The following FANCL variants were observed in gnomAD, a reference collection of about 807,000 sequenced individuals.
FANCL encodes FA complementation group L.
Under a neutral mutation model 59.4 loss-of-function variants are expected in FANCL, and 69 were observed. That is an observed-to-expected ratio of 1.16 (90% CI 0.96 to 1.42). The LOEUF (loss-of-function observed/expected upper bound fraction) is 1.42, where lower values mean the gene tolerates loss of function less well. Among genes scored for constraint, FANCL ranks in the 40% most tolerant of loss-of-function variants. The probability of loss-of-function intolerance (pLI) is 0.00; values close to 1 mark genes in which losing one functional copy is unlikely to be tolerated. For missense variants in FANCL, 519 were observed against 447.2 expected (o/e 1.16, Z -1.45); for synonymous variants, 180 against 147.1 (o/e 1.22, Z -1.62).
rs1694517921 is a variant in FANCL at position 58,241,257 on chromosome 2, G to C, written c.57C>G (p.Asn19Lys). Residue 19 changes from asparagine to lysine, a missense_variant, in exon 1 of 14, where the codon AAC becomes AAG. Physicochemically the swap from Asn to Lys is moderately conservative, Grantham distance 94. Coordinates refer to ENST00000233741, the MANE Select transcript of FANCL (RefSeq NM_018062.4). ...ATCCCTCATACACGGTTTTCGACCG[G>C]TTCTGGGGCAGAAGCAGGGGGCACT... ...LRQCPLLLPQ[N>K]RSKTVYEGFI... 1 of 1,614,278 alleles carries C rather than the reference G, an allele frequency of 6.2e-7. No homozygotes were observed. Among genetic ancestry groups the C allele is most frequent in the Non-Finnish European group, 8.5e-7 (1 of 1,180,054 alleles).
At position 58,159,649 on chromosome 2, in the gene FANCL, C is replaced by A; in HGVS notation, c.*116G>T. 1 of 1,613,646 alleles carries A rather than the reference C, an allele frequency of 6.2e-7. No individual in the cohort carries two copies. The highest frequency in any genetic ancestry group is 1.1e-5 in the South Asian group (1 of 91,044). On this transcript the variant is annotated 3_prime_UTR_variant, in exon 14 of 14. Coordinates refer to ENST00000233741, the MANE Select transcript of FANCL (RefSeq NM_018062.4). ...TGTTTATTATTATCGCATCATCATA[C>A]CTGTCCTTTTGATGTTAGTATTTCT...
intron 1 of FANCL, among the ~76,000 whole-genome samples, chr2:58,232,924 C>CA (rs1233975548): frequency 6.6e-6 from 1 of 151,912 alleles, no homozygotes; most frequent in Non-Finnish European, 1.5e-5. Flanking sequence ...ATAAAATTCT[C>CA]AAAAAACAAT....
At chr2:58,159,965 G>C in intron 13 of FANCL, 143 bp downstream of exon 13, 1 of 1,525,858 alleles carries the variant, frequency 6.6e-7, no homozygotes, top group Non-Finnish European at 8.8e-7. Context: ...TAATGTTTTT[G>C]ATCAGAGAAT....
chr2:58,181,820 T>C (rs1004474086), intron 7 of FANCL, among the ~76,000 whole-genome samples: 3 of 151,884 alleles, frequency 2.0e-5, no homozygotes, highest in Non-Finnish European at 4.4e-5. Context: ...TGATATAAAT[T>C]ACGTATGAGT....
intron 8 of FANCL, among the ~76,000 whole-genome samples, chr2:58,163,932 A>G (rs1685592828): frequency 6.6e-6 from 1 of 152,028 alleles, no homozygotes; most frequent in Non-Finnish European, 1.5e-5. Context: ...CCAAATGTAA[A>G]AAGACCAACA....
At chr2:58,238,211 C>A (rs1395668928) in intron 1 of FANCL, among the ~76,000 whole-genome samples, 2 of 151,994 alleles carry the variant, frequency 1.3e-5, no homozygotes, top group African/African-American at 2.4e-5. Flanking sequence ...TTTATGTGTG[C>A]CCAAGACAAT....
chr2:58,178,070 A>C (rs974725420), intron 7 of FANCL, among the ~76,000 whole-genome samples: 5 of 152,146 alleles, frequency 3.3e-5, no homozygotes, highest in African/African-American at 1.2e-4. Context: ...TAGATCGATA[A>C]CAACTTCTGA....
At chr2:58,216,186 A>C (rs1475810554) in intron 5 of FANCL, among the ~76,000 whole-genome samples, 1 of 152,208 alleles carries the variant, frequency 6.6e-6, no homozygotes, top group Non-Finnish European at 1.5e-5. Context: ...AAAGGGTTAT[A>C]GCTTGAGACA....
chr2:58,220,138 G>C (rs1299029892), intron 5 of FANCL, among the ~76,000 whole-genome samples: 1 of 152,184 alleles, frequency 6.6e-6, no homozygotes, highest in East Asian at 1.9e-4. Flanking sequence ...TTTTAGTAAG[G>C]TTTTAACAGT....
At chr2:58,200,215 G>T (rs1260536583) in intron 6 of FANCL, among the ~76,000 whole-genome samples, 1 of 151,910 alleles carries the variant, frequency 6.6e-6, no homozygotes, top group African/African-American at 2.4e-5. Context: ...GTAATCACTG[G>T]AAAAACAATT....
chr2:58,198,417 T>C (rs138696039), intron 7 of FANCL, among the ~76,000 whole-genome samples, 177 bp downstream of exon 7: 2 of 150,544 alleles, frequency 1.3e-5, no homozygotes, highest in African/African-American at 2.5e-5. Context: ...ACTTAAAGTA[T>C]ACAGAAGAGT....
intron 7 of FANCL, among the ~76,000 whole-genome samples, chr2:58,184,460 T>C (rs183610870): frequency 1.2e-4 from 19 of 152,172 alleles, no homozygotes; most frequent in African/African-American, 4.6e-4. Flanking sequence ...TTAACAGGAA[T>C]AGCAAAACAA....
rs959857056 is a variant in FANCL at position 58,161,621 on chromosome 2, A to G, written c.921T>C (p.Cys307=). The stretch of plus-strand genomic sequence containing the variant: ...CAAGTTGATAAGCATAACAAATTCC[A>G]CAATCCATAGTAAAATCCTTCAAAA... ...ILEKSDFTMD[C]GICYAYQLDG... is the part of the protein sequence containing the mutation. The change falls in exon 12 of 14, where the codon TGT becomes TGC. Residue 307 remains cysteine, a synonymous_variant. Coordinates refer to ENST00000233741, the MANE Select transcript of FANCL (RefSeq NM_018062.4). The G allele has an allele frequency of 3.7e-6, 6 of 1,610,052 alleles. No individual in the cohort carries two copies. The highest frequency in any genetic ancestry group is 5.1e-6 in the Non-Finnish European group (6 of 1,176,734).
At chr2:58,167,850 C>A (rs143082539) in intron 7 of FANCL, among the ~76,000 whole-genome samples, 30 of 152,206 alleles carry the variant, frequency 2.0e-4, no homozygotes, top group African/African-American at 7.0e-4. Context: ...GCAATTTCAA[C>A]GAACTTAGGG....
intron 5 of FANCL, among the ~76,000 whole-genome samples, chr2:58,206,290 T>G (rs1262872653): frequency 6.6e-6 from 1 of 152,082 alleles, no homozygotes; most frequent in East Asian, 1.9e-4. Context: ...CAGTTCATAA[T>G]TCCTAAAAAA....
At chr2:58,184,303 G>A (rs1553443352) in intron 7 of FANCL, among the ~76,000 whole-genome samples, 1 of 151,834 alleles carries the variant, frequency 6.6e-6, no homozygotes, top group Non-Finnish European at 1.5e-5. Flanking sequence ...AAAATATTTG[G>A]ATTACATTAT....
rs563341572 is a variant in FANCL, at chr2:58,195,023, A to C, written c.540+3571T>G. ...AAAAGCAGAAAGGGATTTTTAAAAA[A>C]TCAATTATCTGAAATCTATTTACCA... On this transcript the variant is annotated intron_variant, in intron 7 of 13. Coordinates refer to ENST00000233741, the MANE Select transcript of FANCL (RefSeq NM_018062.4). 2.0e-5 allele frequency among the ~76,000 whole-genome samples: 3 copies of C among 152,208 alleles called. No individual in the cohort carries two copies. In the South Asian group the frequency reaches 6.2e-4, roughly 32 times the overall value.
At chr2:58,202,697 A>G (rs915104145) in intron 6 of FANCL, among the ~76,000 whole-genome samples, 1 of 151,678 alleles carries the variant, frequency 6.6e-6, no homozygotes, top group African/African-American at 2.4e-5. Context: ...AAAAGTATAG[A>G]AAAAAGCAGA....
chr2:58,199,005 G>T (rs1365824525), intron 6 of FANCL, among the ~76,000 whole-genome samples: 1 of 150,282 alleles, frequency 6.7e-6, no homozygotes, highest in Non-Finnish European at 1.5e-5. Flanking sequence ...CTCCAGCCTG[G>T]GCGACAGAGT....
Sources: gnomAD v4.1 joint callset for allele counts (sites outside exome capture counted in the v4.1 genomes callset) on GRCh38, gnomAD v4.1.1 for gene constraint, MANE v1.5 for transcripts, NCBI Gene and HGNC (gene_info 2026-07-23, HGNC 2026-07-21) for gene names.